The following SDCCAG8 variants were observed in gnomAD, a reference collection of about 807,000 sequenced individuals.
SDCCAG8 encodes the protein SHH signaling and ciliogenesis regulator SDCCAG8, also known as serologically defined colon cancer antigen 8.
A neutral mutation model predicts 101.8 loss-of-function variants in SDCCAG8; 74 were observed. The observed-to-expected ratio is 0.73, with a 90% CI of 0.60 to 0.88. The LOEUF (loss-of-function observed/expected upper bound fraction) is 0.88. SDCCAG8 is among the 40% of genes least tolerant of loss of function. SDCCAG8 has a pLI of 0.00. For synonymous variants in SDCCAG8, 281 were observed against 292.9 expected (o/e 0.96, Z 0.41); for missense variants, 787 against 822.6 (o/e 0.96, Z 0.53).
chr1:243,370,286 T>A lies in SDCCAG8; in HGVS notation c.1474-8435T>A, dbSNP rs139921063. 7.7e-3 allele frequency among the ~76,000 whole-genome samples: 1,165 copies of A among 152,230 alleles called. 16 individuals are homozygous for A. Among genetic ancestry groups the A allele is most frequent in the African/African-American group, 0.027 (1,118 of 41,532 alleles). ...GAACACTGAAAAAGCATGATAGGAT[T>A]AGGGGCAGAAAAGGCCCTATATTAT... On this transcript the variant is annotated intron_variant, in intron 12 of 17. Transcript: ENST00000366541.
chr1:243,290,110 C>T (rs1210773373), intron 5 of SDCCAG8, among the ~76,000 whole-genome samples: 1 of 151,798 alleles, frequency 6.6e-6, no homozygotes, highest in Non-Finnish European at 1.5e-5. Flanking sequence ...GTCATGTGTC[C>T]TTCTTTAAAG....
At chr1:243,411,242 G>A (rs1055098214) in intron 13 of SDCCAG8, among the ~76,000 whole-genome samples, 1 of 151,928 alleles carries the variant, frequency 6.6e-6, no homozygotes, top group African/African-American at 2.4e-5. Flanking sequence ...AGCTCCTTGA[G>A]TAGCTGGCAC....
chr1:243,263,770 C>CA (rs2067369928), intron 1 of SDCCAG8, among the ~76,000 whole-genome samples: 1 of 152,020 alleles, frequency 6.6e-6, no homozygotes, highest in Non-Finnish European at 1.5e-5. Context: ...GAGATTCAAA[C>CA]AAAAAAGTAT....
intron 14 of SDCCAG8, 75 bp downstream of exon 14, chr1:243,415,904 C>G: frequency 6.4e-7 from 1 of 1,563,670 alleles, no homozygotes; most frequent in South Asian, 1.1e-5. Flanking sequence ...GAAATGACAT[C>G]AGGAACACCT....
At position 243,458,897 on chromosome 1, in the gene SDCCAG8, C is replaced by T. The variant is rs1410674609; in HGVS notation, c.1986-30117C>T. Among the ~76,000 whole-genome samples the T allele has an allele frequency of 1.3e-5, 2 of 152,234 alleles. No homozygotes were observed. Among genetic ancestry groups the T allele is most frequent in the Non-Finnish European group, 2.9e-5 (2 of 68,042 alleles). On this transcript the variant is annotated intron_variant, in intron 16 of 17. Transcript: ENST00000366541. The surrounding 1 kb of genome is among the most constrained non-coding windows in gnomAD (Gnocchi z 4.5). ...AGTTTCTGAATTGAGTCCCAAGATA[C>T]GTGCCTTAAGCTATTGCATGAATAT...
chr1:243,429,131 T>A (rs2081539809), intron 16 of SDCCAG8, among the ~76,000 whole-genome samples: 1 of 152,214 alleles, frequency 6.6e-6, no homozygotes, highest in African/African-American at 2.4e-5. Context: ...GATATGTAGC[T>A]TAGATTGAAG....
intron 12 of SDCCAG8, 106 bp downstream of exon 12, chr1:243,344,437 C>T (rs2075579403): frequency 1.1e-6 from 1 of 931,492 alleles, no homozygotes; most frequent in Non-Finnish European, 1.7e-6. Flanking sequence ...TTGTTTCTAA[C>T]TAATGGGATG....
intron 1 of SDCCAG8, among the ~76,000 whole-genome samples, chr1:243,265,308 C>G (rs141476369): frequency 2.7e-4 from 41 of 152,314 alleles, no homozygotes; most frequent in Non-Finnish European, 4.4e-4. Context: ...CTTTTCCTCT[C>G]TGACCCTAGT....
intron 3 of SDCCAG8, among the ~76,000 whole-genome samples, chr1:243,273,664 G>A (rs2068279839): frequency 6.6e-6 from 1 of 152,130 alleles, no homozygotes; most frequent in Non-Finnish European, 1.5e-5. Flanking sequence ...CATTGACACT[G>A]GCTTGGCATC....
At chr1:243,446,060 G>C (rs1045749347) in intron 16 of SDCCAG8, among the ~76,000 whole-genome samples, 2 of 152,170 alleles carry the variant, frequency 1.3e-5, no homozygotes, top group Non-Finnish European at 2.9e-5. Context: ...ATTGGCCATA[G>C]CACTGAGTGT....
At chr1:243,388,442 C>T (rs1418536980) in intron 13 of SDCCAG8, among the ~76,000 whole-genome samples, 4 of 152,164 alleles carry the variant, frequency 2.6e-5, no homozygotes, top group Non-Finnish European at 5.9e-5. Context: ...TTCAGAACCA[C>T]ATGGAATAAG....
chr1:243,463,344 A>G (rs1659504166), intron 16 of SDCCAG8, among the ~76,000 whole-genome samples: 1 of 152,264 alleles, frequency 6.6e-6, no homozygotes, highest in Non-Finnish European at 1.5e-5. Flanking sequence ...AGAGGAGAAT[A>G]AGGCCCTTTC....
At chr1:243,385,098 A>G (rs977518845) in intron 13 of SDCCAG8, among the ~76,000 whole-genome samples, 1 of 152,122 alleles carries the variant, frequency 6.6e-6, no homozygotes, top group African/African-American at 2.4e-5. Flanking sequence ...AGAAGAAAAT[A>G]CATGAGTAGA....
At chr1:243,407,466 A>G (rs527326419) in intron 13 of SDCCAG8, among the ~76,000 whole-genome samples, 7 of 152,310 alleles carry the variant, frequency 4.6e-5, no homozygotes, top group African/African-American at 1.7e-4. Context: ...GCAAAGGGTG[A>G]TGCGCTAGTA....
Position 243,304,791 on chromosome 1 carries a change from G to A in SDCCAG8, c.740+14G>A, listed in dbSNP as rs373462087. 108 of 1,481,524 alleles carry A rather than the reference G, an allele frequency of 7.3e-5. No individual in the cohort carries two copies. The highest frequency in any genetic ancestry group is 5.3e-4 in the Admixed American group (32 of 59,816). 91.8% of individuals were successfully genotyped at this position (1,481,524 alleles called of 1,614,324 possible). On this transcript the variant is annotated intron_variant, in intron 7 of 17. Coordinates refer to ENST00000366541, the MANE Select transcript of SDCCAG8 (RefSeq NM_006642.5). ...GAAGTTTTTGAGGTAAAGTGAAATC[G>A]TCCATTTATAGTCATACCAAAAGCA...
intron 13 of SDCCAG8, among the ~76,000 whole-genome samples, chr1:243,402,883 A>G (rs117103328): frequency 6.6e-6 from 1 of 152,308 alleles, no homozygotes; most frequent in East Asian, 1.9e-4. Flanking sequence ...TTTGAGGAGG[A>G]GGAGGAAGAG....
chr1:243,394,861 T>TC (rs1376561128), intron 13 of SDCCAG8, among the ~76,000 whole-genome samples: 1 of 152,032 alleles, frequency 6.6e-6, no homozygotes, highest in Non-Finnish European at 1.5e-5. Flanking sequence ...GTTTTTTTTT[T>TC]TTCCCCTGTA....
chr1:243,307,646 AT>A, intron 7 of SDCCAG8: 5 of 1,150,296 alleles, frequency 4.3e-6, no homozygotes, highest in Non-Finnish European at 5.4e-6. Context: ...TGGGATTTAT[AT>A]TTGGAGTTTT....
chr1:243,308,204 A>G, intron 8 of SDCCAG8, 27 bp downstream of exon 8: 1 of 1,612,836 alleles, frequency 6.2e-7, no homozygotes, highest in Non-Finnish European at 8.5e-7. Context: ...GCGCACGGAG[A>G]CTTTGGCAAT....
Sources: allele counts gnomAD v4.1 joint callset (sites outside exome capture counted in the v4.1 genomes callset), GRCh38; gene constraint gnomAD v4.1.1; non-coding constraint Gnocchi (gnomAD v3.1); transcripts MANE v1.5; gene names NCBI Gene and HGNC (gene_info 2026-07-23, HGNC 2026-07-21).